Variants in SLC24A2 observed in about 807,000 individuals in gnomAD.
SLC24A2 encodes the protein solute carrier family 24 member 2.
Under a neutral mutation model 62.0 loss-of-function variants are expected in SLC24A2, and 36 were observed. The ratio of observed to expected loss-of-function variants is 0.58; its 90% CI spans 0.44 to 0.77. The LOEUF is 0.77. SLC24A2 is among the 30% of genes least tolerant of loss of function. SLC24A2 has a pLI of 0.00. For synonymous variants in SLC24A2, 358 were observed against 294.0 expected (o/e 1.22, Z -2.23); for missense variants, 846 against 817.9 (o/e 1.03, Z -0.42).
rs59489637 is a variant in SLC24A2, at chr9:19,573,485, AACACACACACACACACACACACACAC to A, written c.1229-42_1229-17del. 0.53 allele frequency: 431,232 copies of A among 815,348 alleles called. 73,736 individuals carry two copies. Among genetic ancestry groups the A allele is most frequent in the Middle Eastern group, 0.57 (2,178 of 3,794 alleles). 50.5% of individuals were successfully genotyped at this position (815,348 alleles called of 1,614,324 possible). A position where few individuals can be genotyped will look rare whatever the true frequency, so the allele number is the denominator to read the frequency against. ...TCAATTTTTTCTGTGATATAATTTA[AACACACACACACACACACACACACAC>A]ACACACACACACACACACAGAGAGA... On this transcript the variant is annotated splice_polypyrimidine_tract_variant and intron_variant, in intron 6 of 10. Transcript: ENST00000341998.
At chr9:19,959,553 C>G in the SLC24A2 span, among the ~76,000 whole-genome samples, 1 of 152,132 alleles carries the variant, frequency 6.6e-6, no homozygotes, top group African/African-American at 2.4e-5. Flanking sequence ...GTAAATTAGC[C>G]CATTCCTTGG....
At chr9:20,149,832 G>T in the SLC24A2 span, among the ~76,000 whole-genome samples, 1 of 151,996 alleles carries the variant, frequency 6.6e-6, no homozygotes, top group Admixed American at 6.6e-5. Context: ...AAATTGCCAA[G>T]GGACACTTTT....
chr9:19,947,871 TA>T, the SLC24A2 span, among the ~76,000 whole-genome samples: 5 of 147,004 alleles, frequency 3.4e-5, no homozygotes, highest in East Asian at 1.0e-3. Flanking sequence ...TGTATTTCAA[TA>T]CACTTTGTTG....
the SLC24A2 span, among the ~76,000 whole-genome samples, chr9:19,828,587 G>C: frequency 2.0e-4 from 30 of 152,226 alleles, no homozygotes; most frequent in East Asian, 5.8e-3. Context: ...TTCATATCTA[G>C]GTTCACATTG....
At chr9:20,234,798 C>T in the SLC24A2 span, among the ~76,000 whole-genome samples, 10 of 152,306 alleles carry the variant, frequency 6.6e-5, 1 homozygote, top group South Asian at 4.1e-4. Flanking sequence ...GGAGGAGAGG[C>T]GCTCTGATTT....
At chr9:19,689,894 G>A (rs561711152) in intron 2 of SLC24A2, among the ~76,000 whole-genome samples, 1 of 152,262 alleles carries the variant, frequency 6.6e-6, no homozygotes, top group East Asian at 1.9e-4. Flanking sequence ...GGCAGGCTGA[G>A]TAAAGCAGAT....
the SLC24A2 span, among the ~76,000 whole-genome samples, chr9:20,093,390 T>C: frequency 6.6e-6 from 1 of 152,156 alleles, no homozygotes; most frequent in Non-Finnish European, 1.5e-5. Flanking sequence ...GGTTTTTGGG[T>C]ACATTTAGTC....
At chr9:19,683,431 G>A (rs1263896628) in intron 2 of SLC24A2, among the ~76,000 whole-genome samples, 3 of 152,088 alleles carry the variant, frequency 2.0e-5, no homozygotes, top group Non-Finnish European at 4.4e-5. Flanking sequence ...GGAAATGGAA[G>A]AGTCCAGAAA....
the SLC24A2 span, among the ~76,000 whole-genome samples, chr9:19,873,304 T>G: frequency 5.3e-5 from 8 of 151,856 alleles, no homozygotes; most frequent in African/African-American, 1.9e-4. Flanking sequence ...TTCTTTTCCT[T>G]TCTTTCCTTC....
At chr9:20,269,513 G>A in the SLC24A2 span, among the ~76,000 whole-genome samples, 2 of 152,188 alleles carry the variant, frequency 1.3e-5, no homozygotes, top group Non-Finnish European at 2.9e-5. Flanking sequence ...GGGCACGAGT[G>A]AAAGGAGGAG....
the SLC24A2 span, among the ~76,000 whole-genome samples, chr9:20,191,536 T>G: frequency 6.6e-6 from 1 of 151,856 alleles, no homozygotes; most frequent in Non-Finnish European, 1.5e-5. Flanking sequence ...CTGGAGAAAC[T>G]AAGAGAGTTT....
chr9:19,739,039 C>A (rs1198911436), intron 2 of SLC24A2, among the ~76,000 whole-genome samples: 1 of 152,152 alleles, frequency 6.6e-6, no homozygotes, highest in African/African-American at 2.4e-5. Context: ...ATCACTTGAA[C>A]CAAGAAGGTG....
intron 6 of SLC24A2, among the ~76,000 whole-genome samples, chr9:19,574,863 A>G (rs1835960114): frequency 1.3e-5 from 2 of 152,168 alleles, no homozygotes; most frequent in South Asian, 4.1e-4. Flanking sequence ...TTTGGGATGG[A>G]ATGAGGCTGT....
At chr9:19,740,139 A>T (rs996509621) in intron 2 of SLC24A2, among the ~76,000 whole-genome samples, 1 of 122,298 alleles carries the variant, frequency 8.2e-6, no homozygotes, top group South Asian at 3.0e-4. Context: ...TGAAGGTAAA[A>T]TAGTACAACC....
the SLC24A2 span, among the ~76,000 whole-genome samples, chr9:20,165,110 T>C: frequency 2.6e-5 from 4 of 151,608 alleles, no homozygotes; most frequent in Non-Finnish European, 5.9e-5. Flanking sequence ...ATTGTGCACA[T>C]GTACCCTAAA....
the SLC24A2 span, among the ~76,000 whole-genome samples, chr9:20,134,023 C>T: frequency 2.0e-5 from 3 of 152,192 alleles, no homozygotes; most frequent in Middle Eastern, 3.4e-3. Flanking sequence ...CAGGAGCAGA[C>T]CATGGAGGAC....
chr9:19,521,371 G>C (rs187749184), intron 9 of SLC24A2, among the ~76,000 whole-genome samples: 1 of 152,198 alleles, frequency 6.6e-6, no homozygotes, highest in Admixed American at 6.5e-5. Context: ...CAGGATTAGA[G>C]GTAGAAAGGC....
chr9:20,011,204 G>A, the SLC24A2 span, among the ~76,000 whole-genome samples: 2 of 152,082 alleles, frequency 1.3e-5, no homozygotes, highest in African/African-American at 2.4e-5. Context: ...CACAATGGTT[G>A]GACTAGTTTA....
the SLC24A2 span, among the ~76,000 whole-genome samples, chr9:20,108,078 G>C: frequency 6.6e-6 from 1 of 152,154 alleles, no homozygotes; most frequent in East Asian, 1.9e-4. Flanking sequence ...CATTTATACA[G>C]CCAAAAAACA....
Sources: gnomAD v4.1 joint callset for allele counts (sites outside exome capture counted in the v4.1 genomes callset) on GRCh38, gnomAD v4.1.1 for gene constraint, MANE v1.5 for transcripts, NCBI Gene and HGNC (gene_info 2026-07-23, HGNC 2026-07-21) for gene names.